The following FBLN7 variants were observed in gnomAD, a reference collection of about 807,000 sequenced individuals.
The protein encoded by FBLN7 is fibulin-7.
Under a neutral mutation model 44.0 loss-of-function variants are expected in FBLN7, and 31 were observed. The observed-to-expected ratio is 0.70, with a 90% confidence interval of 0.53 to 0.95. The LOEUF (loss-of-function observed/expected upper bound fraction) is 0.95. FBLN7 is among the 40% of genes least tolerant of loss of function. The pLI, the probability that FBLN7 is intolerant of heterozygous loss-of-function variation, is 0.00. For missense variants in FBLN7, 573 were observed against 618.5 expected, an observed-to-expected ratio of 0.93 and a Z score of 0.78; for synonymous variants, 262 against 253.4, an observed-to-expected ratio of 1.03 and a Z score of -0.32.
intron 3 of FBLN7, among the ~76,000 whole-genome samples, chr2:112,172,199 C>T (rs1032809499): frequency 1.3e-5 from 2 of 152,104 alleles, no homozygotes; most frequent in African/African-American, 2.4e-5. Context: ...GTAAAAATTC[C>T]CCCAATTGTC....
intron 1 of FBLN7, among the ~76,000 whole-genome samples, chr2:112,146,745 C>T (rs548037425): frequency 6.6e-6 from 1 of 152,134 alleles, no homozygotes; most frequent in South Asian, 2.1e-4. Flanking sequence ...ATCATGTCAT[C>T]TATGTATTAG....
At chr2:112,174,126 C>T (rs906232423) in intron 3 of FBLN7, among the ~76,000 whole-genome samples, 10 of 152,218 alleles carry the variant, frequency 6.6e-5, no homozygotes, top group African/African-American at 2.2e-4. Flanking sequence ...CACAACTTCA[C>T]GGCCTAGTGA....
intron 3 of FBLN7, among the ~76,000 whole-genome samples, chr2:112,171,050 C>T (rs895465524): frequency 4.6e-5 from 7 of 152,024 alleles, no homozygotes; most frequent in African/African-American, 1.4e-4. Context: ...TTAAACAGCT[C>T]GTGTGTGGGT....
At chr2:112,241,811 T>C in the FBLN7 span, among the ~76,000 whole-genome samples, 1 of 152,246 alleles carries the variant, frequency 6.6e-6, no homozygotes, top group East Asian at 1.9e-4. Flanking sequence ...CATATTACTC[T>C]ATAGCATTTG....
chr2:112,211,932 C>A, the FBLN7 span: 1 of 152,208 alleles, frequency 6.6e-6, no homozygotes, highest in African/African-American at 2.4e-5. Context: ...CTAAATATAT[C>A]TACTCTTCCT....
At chr2:112,150,875 G>A (rs1276932652) in intron 1 of FBLN7, among the ~76,000 whole-genome samples, 5 of 152,202 alleles carry the variant, frequency 3.3e-5, no homozygotes, top group Non-Finnish European at 5.9e-5. Context: ...CACCAAGCAG[G>A]AAGAGAAAAA....
At position 112,187,377 on chromosome 2, in the gene FBLN7, C is replaced by A. The variant is rs779612135; in HGVS notation, c.1191C>A (p.Ile397=). ...QRSDRQTGDL[I]LVQNLEGPQT... ...CAGACCGGCAGACTGGGGATCTGAT[C>A]CTTGTGCAGAACCTGGAGGGGCCTC... The change falls in exon 8 of 8, where the codon ATC becomes ATA. Residue 397 remains isoleucine (I), a synonymous_variant. Transcript: ENST00000331203. This position sits in a 1 kb window ranked among gnomAD's most constrained non-coding sequence, Gnocchi z 5.1. 3 of 1,614,076 alleles carry A rather than the reference C, an allele frequency of 1.9e-6. No individual in the cohort carries two copies. In the South Asian group the frequency reaches 3.3e-5, roughly 18 times the overall value.
the FBLN7 span, among the ~76,000 whole-genome samples, chr2:112,222,869 A>G: frequency 1.3e-5 from 2 of 152,242 alleles, no homozygotes; most frequent in Non-Finnish European, 2.9e-5. Context: ...ATGGTTTCAA[A>G]ACTATATGAA....
the FBLN7 span, among the ~76,000 whole-genome samples, chr2:112,210,353 TAAAAA>T: frequency 6.6e-6 from 1 of 151,806 alleles, no homozygotes; most frequent in African/African-American, 2.4e-5. Flanking sequence ...AGAAGGTTGT[TAAAAA>T]TAAGGAAAGG....
chr2:112,181,884 C>G lies in FBLN7; in HGVS notation c.670+8C>G, dbSNP rs887025417. 13 of 1,533,920 alleles carry G rather than the reference C, an allele frequency of 8.5e-6. No individual in the cohort carries two copies. The African/African-American group carries it at 1.8e-4, about 21-fold the overall frequency. ...GCGACAGCGTCTGCCAGGGTAGGCGCGGGCTCCGCCAGGACACTGGGGACA... is the reference window on the plus strand; with the variant it reads ...GCGACAGCGTCTGCCAGGGTAGGCGGGGGCTCCGCCAGGACACTGGGGACA... On this transcript the variant is annotated splice_region_variant and intron_variant, in intron 5 of 7. Coordinates refer to ENST00000331203, the MANE Select transcript of FBLN7 (RefSeq NM_153214.3).
At chr2:112,162,511 A>C (rs1278895778) in intron 2 of FBLN7, among the ~76,000 whole-genome samples, 2 of 152,004 alleles carry the variant, frequency 1.3e-5, no homozygotes, top group African/African-American at 2.4e-5. Context: ...CATGTTGCTG[A>C]GACTGCTTAA....
At chr2:112,223,653 T>TAACA in the FBLN7 span, among the ~76,000 whole-genome samples, 1 of 152,144 alleles carries the variant, frequency 6.6e-6, no homozygotes, top group East Asian at 1.9e-4. Context: ...GAAGAAATGC[T>TAACA]AACAATCAAT....
chr2:112,160,770 GCAGACGCACACGCACGCA>G (rs1558880240), intron 2 of FBLN7, among the ~76,000 whole-genome samples: 10 of 36,110 alleles, frequency 2.8e-4, no homozygotes, highest in African/African-American at 1.2e-3. Context: ...GCACGCACAC[GCAGACGCACACGCACGCA>G]CACGCACACA....
Position 112,187,637 on chromosome 2 carries a change from G to A in FBLN7, c.*131G>A. 7.7e-7 allele frequency: 1 copy of A among 1,295,394 alleles called. No individual in the cohort carries two copies. The highest frequency in any genetic ancestry group is 1.1e-6 in the Non-Finnish European group (1 of 939,144). 80.2% of individuals were successfully genotyped at this position (1,295,394 alleles called of 1,614,324 possible). ...CTCACCAGTGCACCCAGGCTTCTAG[G>A]GCAGCGTTGCACGGCGCCCCATGGA... On this transcript the variant is annotated 3_prime_UTR_variant, in exon 8 of 8. Transcript: ENST00000331203. This position sits in a 1 kb window ranked among gnomAD's most constrained non-coding sequence, Gnocchi z 5.1.
chr2:112,216,577 T>G, the FBLN7 span: 1 of 151,062 alleles, frequency 6.6e-6, no homozygotes, highest in Non-Finnish European at 1.5e-5. Context: ...AAAAAACATA[T>G]AGCTGAAGAA....
chr2:112,146,922 T>G (rs1199666231), intron 1 of FBLN7, among the ~76,000 whole-genome samples: 2 of 152,212 alleles, frequency 1.3e-5, no homozygotes, highest in East Asian at 3.8e-4. Context: ...TGAGTATGGT[T>G]CTGGCTGTAG....
chr2:112,222,213 GA>G, the FBLN7 span, among the ~76,000 whole-genome samples: 1 of 152,142 alleles, frequency 6.6e-6, no homozygotes, highest in Admixed American at 6.5e-5. Flanking sequence ...CCTCAGACAG[GA>G]ACCTCAGTTG....
At chr2:112,142,579 C>G (rs1019127166) in intron 1 of FBLN7, among the ~76,000 whole-genome samples, 1 of 152,048 alleles carries the variant, frequency 6.6e-6, no homozygotes, top group African/African-American at 2.4e-5. Flanking sequence ...AGGTGGGAGG[C>G]ACTGAGGACA....
At chr2:112,231,767 A>C in the FBLN7 span, 8 of 948,178 alleles carry the variant, frequency 8.4e-6, no homozygotes, top group African/African-American at 3.3e-5. Context: ...ATTATCTTCA[A>C]ATTCTCATCC....
Sources: allele counts gnomAD v4.1 joint callset (sites outside exome capture counted in the v4.1 genomes callset), GRCh38; gene constraint gnomAD v4.1.1; non-coding constraint Gnocchi (gnomAD v3.1); transcripts MANE v1.5; gene names NCBI Gene and HGNC (gene_info 2026-07-23, HGNC 2026-07-21).